The following NEK2 variants were observed in gnomAD, a reference collection of about 807,000 sequenced individuals.
NEK2 encodes the protein serine/threonine-protein kinase Nek2.
In NEK2, 28 loss-of-function variants were observed where a neutral mutation model predicts 54.1. The ratio of observed to expected loss-of-function variants is 0.52; its 90% CI spans 0.38 to 0.71. The LOEUF is 0.71. NEK2 is among the 30% of genes least tolerant of loss of function. NEK2 has a pLI of 0.00. For missense variants in NEK2, 407 were observed against 531.5 expected, an observed-to-expected ratio of 0.77 and a Z score of 2.30; for synonymous variants, 176 against 193.1, an observed-to-expected ratio of 0.91 and a Z score of 0.73.
chr1:211,667,368 G>T, intron 6 of NEK2, 137 bp from the exon 7 acceptor site: 1 of 728,894 alleles, frequency 1.4e-6, no homozygotes, highest in Non-Finnish European at 2.1e-6. Context: ...TTCTCACTAT[G>T]CCTCAGTCAA....
chr1:211,674,865 A>G (rs1453493817), intron 1 of NEK2, among the ~76,000 whole-genome samples: 1 of 152,210 alleles, frequency 6.6e-6, no homozygotes, highest in Non-Finnish European at 1.5e-5. Flanking sequence ...GTGTTTTCCC[A>G]GGATGAGACA....
Position 211,670,335 on chromosome 1 carries a change from T to C in NEK2, c.711A>G (p.Pro237=), listed in dbSNP as rs763334603. Residue 237 remains proline (P), a synonymous_variant, in exon 5 of 8, where the codon CCA becomes CCG. Transcript: ENST00000366999. ...CATTCAATTCATCAGAGTAACGGTA[T>C]GGAATTCGCCTGAATTTGCCTTCTC... ...KIREGKFRRI[P]YRYSDELNEI... 25 of 1,613,140 alleles carry C rather than the reference T, an allele frequency of 1.5e-5. No individual in the cohort carries two copies. Among genetic ancestry groups the C allele is most frequent in the East Asian group, 6.7e-5 (3 of 44,876 alleles).
downstream of NEK2, chr1:211,658,754 G>GAAAAAAAAAAAAA (rs146064437): frequency 1.2e-5 from 2 of 164,038 alleles, no homozygotes; most frequent in Non-Finnish European, 2.3e-5. Context: ...AAAAAGGAAA[G>GAAAAAAAAAAAAA]AAAAAAAAAG....
At chr1:211,672,546 G>C (rs1009550424) in intron 3 of NEK2, among the ~76,000 whole-genome samples, 2 of 151,504 alleles carry the variant, frequency 1.3e-5, no homozygotes, top group African/African-American at 4.9e-5. Context: ...CCTGAGCTCT[G>C]ATTCTGCATA....
chr1:211,669,246 C>T lies in NEK2; in HGVS notation c.852G>A (p.Glu284=), dbSNP rs374888041. The change falls in exon 6 of 8, where the codon GAG becomes GAA. Residue 284 remains glutamate, a synonymous_variant. Coordinates refer to ENST00000366999, the MANE Select transcript of NEK2 (RefSeq NM_002497.4). ...LVADEQRRNL[E]RRGRQLGEPE... Reference sequence around the variant, plus strand: ...GCTCTCCTAATTGTCGCCCTCTTCTCTCAAGATTTCTTCTTTGCTCGTCTG... The same window carrying T: ...GCTCTCCTAATTGTCGCCCTCTTCTTTCAAGATTTCTTCTTTGCTCGTCTG... The T allele has an allele frequency of 2.3e-5, 37 of 1,614,022 alleles. No homozygotes were observed. The highest frequency in any genetic ancestry group is 2.8e-5 in the Non-Finnish European group (33 of 1,179,994).
At chr1:211,669,536 T>C (rs1276200565) in intron 5 of NEK2, 1 of 573,104 alleles carries the variant, frequency 1.7e-6, no homozygotes, top group African/African-American at 1.9e-5. Context: ...ATGCAGATGT[T>C]AACTTACCTT....
intron 5 of NEK2, among the ~76,000 whole-genome samples, 188 bp downstream of exon 5, chr1:211,670,093 A>C (rs1301368086): frequency 6.6e-6 from 1 of 152,222 alleles, no homozygotes; most frequent in African/African-American, 2.4e-5. Context: ...AAAGCGCAGA[A>C]GGTGGGCCAG....
chr1:211,667,324 G>T, intron 6 of NEK2, 93 bp from the exon 7 acceptor site: 1 of 1,159,110 alleles, frequency 8.6e-7, no homozygotes, highest in Non-Finnish European at 1.2e-6. Context: ...CTACTAGCAT[G>T]CCTGATACTG....
chr1:211,660,793 A>C (rs973372049), downstream of NEK2: 7 of 698,016 alleles, frequency 1.0e-5, no homozygotes, highest in South Asian at 9.9e-5. Context: ...AATCAGGTTC[A>C]GGTAATAGGG....
downstream of NEK2, chr1:211,661,210 G>A: frequency 2.8e-6 from 2 of 720,466 alleles, no homozygotes; most frequent in Non-Finnish European, 5.2e-6. Context: ...ATGAAATCCT[G>A]TTTTTCTTGG....
downstream of NEK2, chr1:211,661,102 A>G (rs1655007767): frequency 5.4e-6 from 4 of 746,516 alleles, no homozygotes; most frequent in African/African-American, 3.4e-5. Flanking sequence ...ATGGCATTGT[A>G]CTCCAGGACC....
At chr1:211,666,777 C>T in intron 7 of NEK2, 1 of 593,540 alleles carries the variant, frequency 1.7e-6, no homozygotes, top group Non-Finnish European at 2.1e-6. Context: ...CCAGCCTGGG[C>T]TACAGAGTGA....
Position 211,675,551 on chromosome 1 carries a change from G to C in NEK2, c.-72C>G. 7.8e-7 allele frequency: 1 copy of C among 1,288,388 alleles called. No homozygotes were observed. The highest frequency in any genetic ancestry group is 1.1e-6 in the Non-Finnish European group (1 of 889,956). 79.8% of individuals were successfully genotyped at this position (1,288,388 alleles called of 1,614,324 possible). A position where few individuals can be genotyped will look rare whatever the true frequency, so the allele number is the denominator to read the frequency against. On this transcript the variant is annotated 5_prime_UTR_variant, in exon 1 of 8. Coordinates refer to ENST00000366999, the MANE Select transcript of NEK2 (RefSeq NM_002497.4). The stretch of plus-strand genomic sequence containing the variant: ...CCAAGTGCGGAGCTCCAGGGACCAG[G>C]AACTCCAGGGACCTGGATGGAGAAG...
Position 211,673,581 on chromosome 1 carries a change from G to T in NEK2, c.457C>A (p.Gln153Lys), listed in dbSNP as rs1655472212. 6.2e-7 allele frequency: 1 copy of T among 1,614,010 alleles called. No individual in the cohort carries two copies. The highest frequency in any genetic ancestry group is 8.5e-7 in the Non-Finnish European group (1 of 1,179,998). The change falls in exon 3 of 8, where the codon CAA (glutamine) becomes AAA (lysine). Residue 153 changes from glutamine to lysine, a missense_variant. Gln to Lys is a moderately conservative substitution (Grantham distance 53). Transcript: ENST00000366999. Reference sequence around the variant, plus strand: ...CCAAAGTCTCCAAGCTTGACGTTTTGCTTGCCATCCAGGAAAACATTGGCT... The same window carrying T: ...CCAAAGTCTCCAAGCTTGACGTTTTTCTTGCCATCCAGGAAAACATTGGCT... Reference protein sequence around the residue: ...KPANVFLDGKQNVKLGDFGLA... With the variant: ...KPANVFLDGKKNVKLGDFGLA...
downstream of NEK2, chr1:211,661,207 C>A: frequency 1.4e-6 from 1 of 723,902 alleles, no homozygotes; most frequent in East Asian, 2.7e-5. Flanking sequence ...TGAATGAAAT[C>A]CTGTTTTTCT....
chr1:211,669,546 T>C (rs1432896201), intron 5 of NEK2: 1 of 550,492 alleles, frequency 1.8e-6, no homozygotes, highest in Non-Finnish European at 3.2e-6. Context: ...TAACTTACCT[T>C]TTTTCCCTTT....
At chr1:211,660,277 ATGTGGC>A, downstream of NEK2, 2 of 437,020 alleles carry the variant, frequency 4.6e-6, no homozygotes, top group African/African-American at 2.0e-5. Context: ...GAGACCCATA[ATGTGGC>A]TGTGGCTGTA....
intron 5 of NEK2, among the ~76,000 whole-genome samples, chr1:211,670,032 T>C (rs1655319796): frequency 6.6e-6 from 1 of 152,200 alleles, no homozygotes; most frequent in South Asian, 2.1e-4. Context: ...TTGCAATCTT[T>C]CCTTGCTACC....
chr1:211,660,970 A>G, downstream of NEK2: 1 of 745,786 alleles, frequency 1.3e-6, no homozygotes, highest in South Asian at 1.4e-5. Flanking sequence ...GAAAGCTTGC[A>G]GCAGTTCCAC....
Sources: allele counts gnomAD v4.1 joint callset (sites outside exome capture counted in the v4.1 genomes callset), GRCh38; gene constraint gnomAD v4.1.1; transcripts MANE v1.5; gene names NCBI Gene and HGNC (gene_info 2026-07-23, HGNC 2026-07-21).